Variants in PTPRM observed in about 807,000 individuals in gnomAD.
PTPRM encodes the protein receptor-type tyrosine-protein phosphatase mu.
In PTPRM, 47 loss-of-function variants were observed where a neutral mutation model predicts 186.7. That is an observed-to-expected ratio of 0.25 (90% CI 0.20 to 0.32). The LOEUF (loss-of-function observed/expected upper bound fraction) is 0.32, where lower values mean the gene tolerates loss of function less well. Among genes scored for constraint, PTPRM ranks in the 10% least tolerant of loss-of-function variants. PTPRM has a pLI of 1.00. For synonymous variants in PTPRM, 668 were observed against 674.9 expected (o/e 0.99, Z 0.16); for missense variants, 1,494 against 1,865.0 (o/e 0.80, Z 3.66).
chr18:7,667,768 G>A (rs2039130024), intron 1 of PTPRM, among the ~76,000 whole-genome samples: 1 of 151,936 alleles, frequency 6.6e-6, no homozygotes, highest in African/African-American at 2.4e-5. Flanking sequence ...TTCCGCCATG[G>A]TTTGCCTCGG....
chr18:7,966,615 G>T (rs868525022), intron 7 of PTPRM, among the ~76,000 whole-genome samples: 7 of 148,396 alleles, frequency 4.7e-5, no homozygotes, highest in Non-Finnish European at 1.1e-4. Flanking sequence ...TGCGCGAGCC[G>T]AAGCAGGGCG....
rs7244518 is a variant in PTPRM at position 8,376,445 on chromosome 18, C to A, written c.3327-17C>A. ...TGGTCCTTCTTCCTCCACTGACAGA[C>A]CCCCCTTTTCATTCAGTGCTGGTGC... On this transcript the variant is annotated splice_polypyrimidine_tract_variant and intron_variant, in intron 25 of 32. Transcript: ENST00000580170. The A allele has an allele frequency of 3.7e-6, 6 of 1,613,842 alleles. No homozygotes were observed. Among genetic ancestry groups the A allele is most frequent in the Admixed American group, 3.3e-5 (2 of 59,998 alleles).
chr18:7,583,577 T>C (rs1007659423), intron 1 of PTPRM, among the ~76,000 whole-genome samples: 3 of 152,240 alleles, frequency 2.0e-5, no homozygotes, highest in African/African-American at 7.2e-5. Context: ...TGCAGTGTAC[T>C]TACTGCTATT....
At chr18:7,956,936 T>C (rs2053351537) in intron 7 of PTPRM, among the ~76,000 whole-genome samples, 2 of 152,252 alleles carry the variant, frequency 1.3e-5, no homozygotes. Context: ...ATAATACAGA[T>C]GGTGAAAGTG....
chr18:8,056,437 G>T (rs1364505742), intron 7 of PTPRM, among the ~76,000 whole-genome samples: 1 of 152,196 alleles, frequency 6.6e-6, no homozygotes, highest in African/African-American at 2.4e-5. Context: ...GACCAGCCTA[G>T]TCAACATGGT....
chr18:8,068,896 A>C (rs2089273514), intron 7 of PTPRM, among the ~76,000 whole-genome samples: 1 of 152,038 alleles, frequency 6.6e-6, no homozygotes, highest in Non-Finnish European at 1.5e-5. Flanking sequence ...TCAGGAGATC[A>C]AGACCATCCT....
intron 1 of PTPRM, among the ~76,000 whole-genome samples, chr18:7,609,859 G>T (rs1441943641): frequency 1.3e-5 from 2 of 152,156 alleles, no homozygotes; most frequent in Admixed American, 1.3e-4. Flanking sequence ...TCACCAGATG[G>T]TGAGAATTTT....
At chr18:8,337,907 GA>G (rs2095449500) in intron 22 of PTPRM, among the ~76,000 whole-genome samples, 1 of 152,210 alleles carries the variant, frequency 6.6e-6, no homozygotes, top group South Asian at 2.1e-4. Flanking sequence ...GAGAGCAGCG[GA>G]AAGCTGTGGG....
chr18:8,225,622 C>T (rs1054573647), intron 14 of PTPRM, among the ~76,000 whole-genome samples: 85 of 152,322 alleles, frequency 5.6e-4, no homozygotes, highest in African/African-American at 1.8e-3. Context: ...CTTTCACCAT[C>T]GGTAGCCCTG....
At chr18:8,148,678 C>A (rs531769047) in intron 14 of PTPRM, among the ~76,000 whole-genome samples, 3 of 151,954 alleles carry the variant, frequency 2.0e-5, no homozygotes, top group Non-Finnish European at 2.9e-5. Context: ...TTAGTTATCT[C>A]TTGTCTTCTG....
chr18:8,285,522 G>A (rs989464050), intron 19 of PTPRM, among the ~76,000 whole-genome samples: 6 of 152,196 alleles, frequency 3.9e-5, no homozygotes, highest in East Asian at 1.9e-4. Context: ...GTTAGTTGTC[G>A]TTCAATACTT....
intron 9 of PTPRM, among the ~76,000 whole-genome samples, chr18:8,084,082 G>A (rs902497148): frequency 3.3e-5 from 5 of 152,100 alleles, no homozygotes; most frequent in East Asian, 3.9e-4. Flanking sequence ...ATAGTTGTTG[G>A]ATCACTTCTC....
chr18:8,386,179 T>C (rs575106085), intron 30 of PTPRM, among the ~76,000 whole-genome samples: 10 of 152,066 alleles, frequency 6.6e-5, no homozygotes, highest in Non-Finnish European at 1.3e-4. Context: ...GAATATCAGG[T>C]GGGCCTTTGA....
intron 23 of PTPRM, among the ~76,000 whole-genome samples, chr18:8,350,016 C>G (rs1346170232): frequency 6.6e-6 from 1 of 152,210 alleles, no homozygotes; most frequent in African/African-American, 2.4e-5. Context: ...GAGTTACCTA[C>G]AGGTTGAAGG....
chr18:8,295,685 G>A (rs1430121459), intron 19 of PTPRM, among the ~76,000 whole-genome samples: 1 of 152,080 alleles, frequency 6.6e-6, no homozygotes, highest in Admixed American at 6.6e-5. Flanking sequence ...AATGTAGTGT[G>A]AACTAAAGTG....
intron 1 of PTPRM, among the ~76,000 whole-genome samples, chr18:7,720,162 A>C (rs1328387134): frequency 6.6e-6 from 1 of 152,226 alleles, no homozygotes; most frequent in African/African-American, 2.4e-5. Context: ...CTTCAAATTA[A>C]TAAATTTAAT....
At position 8,253,263 on chromosome 18, in the gene PTPRM, T is replaced by G; in HGVS notation, c.2603T>G (p.Leu868Arg). ...ACAATGGCCAGCGATACCAGCAGCCTGGTGCAGTCCCATACTTACAAGAAG... is the reference window on the plus strand; with the variant it reads ...ACAATGGCCAGCGATACCAGCAGCCGGGTGCAGTCCCATACTTACAAGAAG... ...THTMASDTSS[L>R]VQSHTYKKRE... is the part of the protein sequence containing the mutation. Residue 868 changes from leucine to arginine, a missense_variant, in exon 19 of 33, where the codon CTG becomes CGG. Around this residue, in one of 3 missense-constraint regions of PTPRM, gnomAD observed 1,107 missense variants for 1,350.2 expected, o/e 0.82. Transcript: ENST00000580170. 2 of 1,566,290 alleles carry G rather than the reference T, an allele frequency of 1.3e-6. No homozygotes were observed. Among genetic ancestry groups the G allele is most frequent in the Non-Finnish European group, 1.7e-6 (2 of 1,155,970 alleles).
In PTPRM at chr18:7,602,348, G is replaced by T. The variant is rs945837623; in HGVS notation, c.73+34457G>T. Among the ~76,000 whole-genome samples, 4 of 152,130 alleles carry T rather than the reference G, an allele frequency of 2.6e-5. No individual in the cohort carries two copies. In the East Asian group the frequency reaches 7.7e-4, roughly 29 times the overall value. ...GGAGGCACAAATTAAAAGAAGACCAGTGAGAAGCTTTGGGTTTGGTTGGAT... is the reference window on the plus strand; with the variant it reads ...GGAGGCACAAATTAAAAGAAGACCATTGAGAAGCTTTGGGTTTGGTTGGAT... On this transcript the variant is annotated intron_variant, in intron 1 of 32. Coordinates refer to ENST00000580170, the MANE Select transcript of PTPRM (RefSeq NM_001105244.2).
chr18:8,124,548 C>T (rs585266), intron 13 of PTPRM, among the ~76,000 whole-genome samples: 103,334 of 151,998 alleles, frequency 0.68, 36,818 homozygotes, highest in East Asian at 0.89. Flanking sequence ...AGTACATTTG[C>T]ATTAGTAACC....
Sources: allele counts gnomAD v4.1 joint callset (sites outside exome capture counted in the v4.1 genomes callset), GRCh38; gene constraint gnomAD v4.1.1; regional missense constraint gnomAD v4.1.1; transcripts MANE v1.5; gene names NCBI Gene and HGNC (gene_info 2026-07-23, HGNC 2026-07-21).